Variants in PTBP3 observed in about 807,000 individuals in gnomAD.
PTBP3 encodes the protein polypyrimidine tract-binding protein 3.
PTBP3 carries 20 observed loss-of-function variants against 58.7 expected under a neutral mutation model. The ratio of observed to expected loss-of-function variants is 0.34; its 90% CI spans 0.24 to 0.50. The LOEUF (loss-of-function observed/expected upper bound fraction) is 0.50, where lower values mean the gene tolerates loss of function less well. PTBP3 is among the 20% of genes least tolerant of loss of function. PTBP3 has a pLI of 0.98. For missense variants in PTBP3, 509 were observed against 637.2 expected, an observed-to-expected ratio of 0.80 and a Z score of 2.17; for synonymous variants, 185 against 219.8, an observed-to-expected ratio of 0.84 and a Z score of 1.40.
At position 112,223,813 on chromosome 9, in the gene PTBP3, A is replaced by T; in HGVS notation, c.*38T>A. 3.1e-6 allele frequency: 5 copies of T among 1,613,060 alleles called. No homozygotes were observed. Among genetic ancestry groups the T allele is most frequent in the Non-Finnish European group, 4.2e-6 (5 of 1,179,540 alleles). On this transcript the variant is annotated 3_prime_UTR_variant, in exon 14 of 14. Coordinates refer to ENST00000374257, the MANE Select transcript of PTBP3 (RefSeq NM_001163788.4). The stretch of plus-strand genomic sequence containing the variant: ...GTCTATGTCTGAAGGTTTTACTGAA[A>T]TTATGGTCCAGTTTTAGGAGAAAAA...
At chr9:112,267,218 T>C (rs1836837620) in intron 4 of PTBP3, among the ~76,000 whole-genome samples, 1 of 150,058 alleles carries the variant, frequency 6.7e-6, no homozygotes, top group Non-Finnish European at 1.5e-5. Flanking sequence ...CAGGCTGGAG[T>C]GCAGTGGCAC....
chr9:112,343,395 A>G, the PTBP3 span, among the ~76,000 whole-genome samples: 2 of 151,912 alleles, frequency 1.3e-5, no homozygotes, highest in Non-Finnish European at 2.9e-5. Flanking sequence ...TTTTAGTTCA[A>G]AGTGCTTTTT....
chr9:112,240,848 C>T lies in PTBP3; in HGVS notation c.803-5951G>A, dbSNP rs557605080. On this transcript the variant is annotated intron_variant, in intron 7 of 13. Coordinates refer to ENST00000374257, the MANE Select transcript of PTBP3 (RefSeq NM_001163788.4). ...CTGACCTTGTGTAGGCCTAGGCTAA[C>T]GTGTGTATGTGTCTTAGTTTTTAAC... is the stretch of plus-strand genomic sequence containing the variant. Among the ~76,000 whole-genome samples the T allele has an allele frequency of 5.3e-5, 8 of 151,610 alleles. No homozygotes were observed. In the South Asian group the frequency reaches 1.5e-3, roughly 28 times the overall value.
chr9:112,261,600 G>A (rs1275373714), intron 5 of PTBP3, among the ~76,000 whole-genome samples: 1 of 152,206 alleles, frequency 6.6e-6, no homozygotes, highest in Non-Finnish European at 1.5e-5. Flanking sequence ...TGTGGGCTAA[G>A]TGTAATGAAA....
At chr9:112,353,436 G>T in the PTBP3 span, among the ~76,000 whole-genome samples, 1 of 149,354 alleles carries the variant, frequency 6.7e-6, no homozygotes, top group Non-Finnish European at 1.5e-5. Context: ...TGTAGAGGCG[G>T]GGTTTCACCA....
intron 1 of PTBP3, among the ~76,000 whole-genome samples, chr9:112,332,056 A>G (rs1456941656): frequency 1.1e-4 from 5 of 43,588 alleles, no homozygotes; most frequent in African/African-American, 8.4e-4. Context: ...ATAAAATGCA[A>G]CTGAATAAGG....
At chr9:112,296,858 G>GAT (rs1828712433) in intron 2 of PTBP3, among the ~76,000 whole-genome samples, 1 of 152,116 alleles carries the variant, frequency 6.6e-6, no homozygotes, top group Admixed American at 6.5e-5. Flanking sequence ...AATCAATGGT[G>GAT]ATATCCCTTA....
chr9:112,257,036 C>T (rs1836397085), intron 5 of PTBP3, among the ~76,000 whole-genome samples: 1 of 152,108 alleles, frequency 6.6e-6, no homozygotes, highest in Non-Finnish European at 1.5e-5. Context: ...ACCTAATTTC[C>T]ACTCACCTTT....
At chr9:112,259,338 G>A (rs1402779245) in intron 5 of PTBP3, among the ~76,000 whole-genome samples, 1 of 152,100 alleles carries the variant, frequency 6.6e-6, no homozygotes, top group Admixed American at 6.6e-5. Context: ...TCCTCCAAAG[G>A]TTTCCCATCT....
chr9:112,228,421 T>A lies in PTBP3; in HGVS notation c.1106A>T (p.Asn369Ile), dbSNP rs1353693096. 8.1e-6 allele frequency: 13 copies of A among 1,608,290 alleles called. No homozygotes were observed. Among genetic ancestry groups the A allele is most frequent in the Non-Finnish European group, 1.1e-5 (13 of 1,178,360 alleles). The stretch of plus-strand genomic sequence containing the variant: ...TGCATCCGCCATCTGAACCAAGGCA[T>A]TTTCTTTCTTATTAAACATAATCTT... ...RVKIMFNKKENALVQMADANQ... is the reference protein window; with the variant it reads ...RVKIMFNKKEIALVQMADANQ... The change falls in exon 11 of 14, where the codon AAT (asparagine) becomes ATT (isoleucine). Residue 369 changes from asparagine (N) to isoleucine (I), a missense_variant. Physicochemically the swap from Asn to Ile is moderately radical, Grantham distance 149. Transcript: ENST00000374257.
chr9:112,233,942 C>CAA (rs33920406), intron 8 of PTBP3, among the ~76,000 whole-genome samples: 31 of 150,008 alleles, frequency 2.1e-4, no homozygotes, highest in South Asian at 6.3e-4. Context: ...ACAACAACAA[C>CAA]AAAAAAAAGA....
At chr9:112,224,376 T>C (rs1377922666) in intron 12 of PTBP3, among the ~76,000 whole-genome samples, 166 bp from the exon 13 acceptor site, 1 of 152,230 alleles carries the variant, frequency 6.6e-6, no homozygotes, top group South Asian at 2.1e-4. Context: ...AAAACTGACA[T>C]GTATCGTCAA....
chr9:112,281,375 C>T (rs1240852336), intron 2 of PTBP3: 2 of 152,260 alleles, frequency 1.3e-5, no homozygotes, highest in Non-Finnish European at 2.9e-5. Context: ...AATACTCAAA[C>T]AGAAGAAATT....
At chr9:112,263,149 G>C (rs1836667849) in intron 4 of PTBP3, among the ~76,000 whole-genome samples, 2 of 152,110 alleles carry the variant, frequency 1.3e-5, no homozygotes. Context: ...ATTCCAAAAG[G>C]ACATAGAAAC....
At chr9:112,298,585 T>C (rs1828791105) in intron 1 of PTBP3, 1 of 510,118 alleles carries the variant, frequency 2.0e-6, no homozygotes, top group Non-Finnish European at 3.9e-6. Flanking sequence ...AAATACTATG[T>C]ACAAAGTTAA....
At chr9:112,355,610 G>T in the PTBP3 span, among the ~76,000 whole-genome samples, 3 of 150,760 alleles carry the variant, frequency 2.0e-5, no homozygotes, top group African/African-American at 4.9e-5. Context: ...AAATGGCTAA[G>T]AACTCTTTTT....
the PTBP3 span, among the ~76,000 whole-genome samples, chr9:112,342,944 C>T: frequency 6.6e-6 from 1 of 152,168 alleles, no homozygotes; most frequent in East Asian, 1.9e-4. Flanking sequence ...TCTCCCACTT[C>T]AGTCTCCTGA....
intron 1 of PTBP3, among the ~76,000 whole-genome samples, chr9:112,320,314 A>ATATATATATATATATATATTTTT: frequency 2.6e-4 from 20 of 75,674 alleles, no homozygotes; most frequent in African/African-American, 9.4e-4. Flanking sequence ...ATATATATAT[A>ATATATATATATATATATATTTTT]TTTTTTTTTA....
intron 1 of PTBP3, among the ~76,000 whole-genome samples, chr9:112,329,408 C>T (rs1490301810): frequency 4.9e-5 from 3 of 61,852 alleles, no homozygotes; most frequent in South Asian, 8.0e-4. Flanking sequence ...AGGGAGGCTC[C>T]GCCTCAAAAA....
Sources: gnomAD v4.1 joint callset for allele counts (sites outside exome capture counted in the v4.1 genomes callset) on GRCh38, gnomAD v4.1.1 for gene constraint, MANE v1.5 for transcripts, NCBI Gene and HGNC (gene_info 2026-07-23, HGNC 2026-07-21) for gene names.